ZNF18: variants seen among roughly 807,000 people sequenced by gnomAD.
ZNF18 encodes heart development-specific gene 1 protein.
ZNF18 carries 42 observed loss-of-function variants against 58.1 expected under a neutral mutation model. The observed-to-expected ratio is 0.72, with a 90% CI of 0.56 to 0.93. The LOEUF is 0.93. Ranked by LOEUF, ZNF18 falls within the 40% of genes least tolerant of loss-of-function variation. ZNF18 has a pLI of 0.00. For synonymous variants in ZNF18, 231 were observed against 239.8 expected (o/e 0.96, Z 0.34); for missense variants, 540 against 644.2 (o/e 0.84, Z 1.75).
chr17:12,004,188 G>A, the ZNF18 span, among the ~76,000 whole-genome samples: 7 of 151,550 alleles, frequency 4.6e-5, no homozygotes, highest in Admixed American at 6.6e-5. Context: ...CCAAGACTGC[G>A]CCACTGCACT....
intron 1 of ZNF18, among the ~76,000 whole-genome samples, chr17:11,993,957 G>A (rs1968307201): frequency 6.6e-6 from 1 of 150,752 alleles, no homozygotes; most frequent in Non-Finnish European, 1.5e-5. Context: ...AACTAAGACA[G>A]TAGAAAGAGA....
intron 6 of ZNF18, among the ~76,000 whole-genome samples, chr17:11,980,057 CAAAGTAGAATTA>C (rs1967240020): frequency 6.6e-6 from 1 of 152,138 alleles, no homozygotes; most frequent in Non-Finnish European, 1.5e-5. Context: ...AGGAATTTCT[CAAAGTAGAATTA>C]CTGTGTCAAC....
rs774172225 is a variant in ZNF18 at position 11,978,298 on chromosome 17, G to C, written c.1309C>G (p.Gln437Glu). ...QRTHTGETYF[Q>E]CTICKKAFLR... ...AAGGCTTTTTTGCAGATGGTGCACT[G>C]AAAGTATGTCTCTCCGGTGTGAGTT... The change falls in exon 7 of 7, where the codon CAG (glutamine) becomes GAG (glutamate). Residue 437 changes from glutamine to glutamate, a missense_variant. By Grantham distance (29) the Gln-to-Glu change is conservative. Transcript: ENST00000580306. 5 of 1,604,892 alleles carry C rather than the reference G, an allele frequency of 3.1e-6. No individual in the cohort carries two copies. The highest frequency in any genetic ancestry group is 4.2e-6 in the Non-Finnish European group (5 of 1,176,514).
upstream of ZNF18, chr17:11,998,483 C>T (rs1968591677): frequency 6.6e-6 from 1 of 151,010 alleles, no homozygotes; most frequent in African/African-American, 2.4e-5. Flanking sequence ...CATAACATGT[C>T]CTGTACCTGT....
chr17:11,997,570 G>A (rs1490183441), upstream of ZNF18: 1 of 152,210 alleles, frequency 6.6e-6, no homozygotes, highest in Admixed American at 6.5e-5. Flanking sequence ...CCTATTGGCC[G>A]TCGGGGACGC....
At chr17:12,020,333 C>T in the ZNF18 span, among the ~76,000 whole-genome samples, 57 of 152,290 alleles carry the variant, frequency 3.7e-4, no homozygotes, top group African/African-American at 1.3e-3. Context: ...TTGGTTAGTT[C>T]CCCTTGGGAC....
At chr17:12,019,596 C>T in the ZNF18 span, among the ~76,000 whole-genome samples, 1 of 152,120 alleles carries the variant, frequency 6.6e-6, no homozygotes, top group Admixed American at 6.6e-5. Context: ...TGAAGTACAC[C>T]TACCTGCTCT....
intron 1 of ZNF18, chr17:11,995,670 G>A (rs372832733): frequency 1.4e-4 from 21 of 147,400 alleles, no homozygotes; most frequent in African/African-American, 5.3e-4. Flanking sequence ...GCGACAGAGG[G>A]AGACTCCATC....
upstream of ZNF18, among the ~76,000 whole-genome samples, chr17:11,998,020 T>G (rs1236687741): frequency 6.6e-6 from 1 of 151,812 alleles, no homozygotes; most frequent in Non-Finnish European, 1.5e-5. Flanking sequence ...TAGTCCAATG[T>G]GGTGCCATCC....
the ZNF18 span, among the ~76,000 whole-genome samples, chr17:12,016,358 C>T: frequency 4.6e-5 from 7 of 152,106 alleles, 1 homozygote; most frequent in Middle Eastern, 6.8e-3. Context: ...GAGATGGAAT[C>T]TCCCTTTGTC....
rs1264791667 is a variant in ZNF18 at position 11,983,880 on chromosome 17, TC to T, written c.751+232del. ...CAATTTCATAGATTAAAGAAGTTAC[TC>T]CGTGCAATGTACCCACAAACAGTTC... On this transcript the variant is annotated intron_variant, in intron 5 of 6. Coordinates refer to ENST00000580306, the MANE Select transcript of ZNF18 (RefSeq NM_001303281.2). Among the ~76,000 whole-genome samples the T allele has an allele frequency of 2.0e-5, 3 of 152,274 alleles. No individual in the cohort carries two copies. In the East Asian group the frequency reaches 5.8e-4, roughly 29 times the overall value.
chr17:11,978,745 C>T lies in ZNF18; in HGVS notation c.863-1G>A. On this transcript the variant is annotated splice_acceptor_variant, in intron 6 of 6. Coordinates refer to ENST00000580306, the MANE Select transcript of ZNF18 (RefSeq NM_001303281.2). LOFTEE classifies it high-confidence loss of function. Reference sequence around the variant, plus strand: ...TCCTTGTCATTCTCTTGTCTATCTCCTAAAAGAAGAAAGAAGATTTGAAAT... The same window carrying T: ...TCCTTGTCATTCTCTTGTCTATCTCTTAAAAGAAGAAAGAAGATTTGAAAT... The T allele has an allele frequency of 6.4e-7, 1 of 1,570,086 alleles. No homozygotes were observed. The highest frequency in any genetic ancestry group is 8.6e-7 in the Non-Finnish European group (1 of 1,165,504).
the ZNF18 span, among the ~76,000 whole-genome samples, chr17:12,015,882 G>A: frequency 6.6e-6 from 1 of 151,942 alleles, no homozygotes; most frequent in Non-Finnish European, 1.5e-5. Flanking sequence ...CCTGGCTCCC[G>A]GGTTCAAGCA....
intron 6 of ZNF18, among the ~76,000 whole-genome samples, chr17:11,981,153 C>T (rs899848687): frequency 6.6e-6 from 1 of 152,038 alleles, no homozygotes; most frequent in African/African-American, 2.4e-5. Context: ...CCAGGCCTTT[C>T]CCATTTGGTT....
In ZNF18 at chr17:11,984,124, AT is replaced by A. The variant is rs1435568894; in HGVS notation, c.739del (p.Met247TrpfsTer14). On this transcript the variant is annotated frameshift_variant, in exon 5 of 7. Coordinates refer to ENST00000580306, the MANE Select transcript of ZNF18 (RefSeq NM_001303281.2). LOFTEE classifies it high-confidence loss of function. ...ACCCACACCCTCACCTCCTGAGACC[AT>A]TTTCCCATAGGTCTCCAGCATGAGA... ...WDLMLETYGK[M>X]VSGAGISHPK... is the part of the protein sequence containing the mutation. The A allele has an allele frequency of 6.2e-7, 1 of 1,610,286 alleles. No individual in the cohort carries two copies.
chr17:11,980,225 G>C (rs1167927840), intron 6 of ZNF18, among the ~76,000 whole-genome samples: 1 of 152,144 alleles, frequency 6.6e-6, no homozygotes. Flanking sequence ...ATGCCATTTA[G>C]ATGGATGAAA....
At chr17:11,994,991 T>C (rs1968369314) in intron 1 of ZNF18, among the ~76,000 whole-genome samples, 1 of 151,610 alleles carries the variant, frequency 6.6e-6, no homozygotes, top group Non-Finnish European at 1.5e-5. Flanking sequence ...GAAGGAAGGG[T>C]TGGTCTTGCA....
In ZNF18 at chr17:11,978,557, A is replaced by C; in HGVS notation, c.1050T>G (p.Ile350Met). 1 of 1,613,508 alleles carries C rather than the reference A, an allele frequency of 6.2e-7. No individual in the cohort carries two copies. Among genetic ancestry groups the C allele is most frequent in the Non-Finnish European group, 8.5e-7 (1 of 1,179,862 alleles). ...GENLPEALQN[I>M]QDEGTGEQLS... ...GCTGTTCCCCTGTTCCCTCATCCTG[A>C]ATGTTTTGCAGAGCCTCAGGGAGAT... Residue 350 changes from isoleucine (I) to methionine (M), a missense_variant, in exon 7 of 7, where the codon ATT (isoleucine) becomes ATG (methionine). Physicochemically the swap from Ile to Met is conservative, Grantham distance 10 (BLOSUM62 1). Coordinates refer to ENST00000580306, the MANE Select transcript of ZNF18 (RefSeq NM_001303281.2).
rs140979549 is a variant in ZNF18 at position 11,983,340 on chromosome 17, T to C, written c.819A>G (p.Ile273Met). ...SIEFGEELAG[I>M]YLHVNEKIPR... ...GGATCTTCTCATTGACATGAAGGTA[T>C]ATTCCTGCCAGCTCTTCCCCAAATT... The change falls in exon 6 of 7, where the codon ATA (isoleucine) becomes ATG (methionine). Residue 273 changes from isoleucine (I) to methionine (M), a missense_variant. Transcript: ENST00000580306. 6.2e-7 allele frequency: 1 copy of C among 1,614,082 alleles called. No homozygotes were observed.
Sources: allele counts gnomAD v4.1 joint callset (sites outside exome capture counted in the v4.1 genomes callset), GRCh38; gene constraint gnomAD v4.1.1; transcripts MANE v1.5; gene names NCBI Gene and HGNC (gene_info 2026-07-23, HGNC 2026-07-21).